Variants in HAVCR2 observed in about 807,000 individuals in gnomAD.
The protein encoded by HAVCR2 is T cell immunoglobulin mucin 3.
Under a neutral mutation model 24.7 loss-of-function variants are expected in HAVCR2, and 13 were observed. The ratio of observed to expected loss-of-function variants is 0.53; its 90% CI spans 0.34 to 0.84. The LOEUF (loss-of-function observed/expected upper bound fraction) is 0.84, where lower values mean the gene tolerates loss of function less well. HAVCR2 is among the 40% of genes least tolerant of loss of function. The pLI is 0.01. For missense variants in HAVCR2, 343 were observed against 371.2 expected, an observed-to-expected ratio of 0.92 and a Z score of 0.62; for synonymous variants, 154 against 143.4, an observed-to-expected ratio of 1.07 and a Z score of -0.53.
chr5:157,106,020 T>C (rs539864744), intron 2 of HAVCR2: 1 of 152,438 alleles, frequency 6.6e-6, no homozygotes, highest in Non-Finnish European at 1.5e-5. Flanking sequence ...CATCTATAGT[T>C]GTTTAAAAAC....
In HAVCR2 at chr5:157,105,283, C is replaced by T. The variant is rs184075498; in HGVS notation, c.395-534G>A. ...TTCTCCATGTTGGTCAGACTGGTCT[C>T]GAACTCCCGACCTCAGGTGATCCAC... On this transcript the variant is annotated intron_variant, in intron 2 of 6. Coordinates refer to ENST00000307851, the MANE Select transcript of HAVCR2 (RefSeq NM_032782.5). Among the ~76,000 whole-genome samples, 42 of 152,200 alleles carry T rather than the reference C, an allele frequency of 2.8e-4. No homozygotes were observed. In the East Asian group the frequency reaches 6.2e-3, roughly 22 times the overall value.
chr5:157,089,820 G>T (rs1756969541), intron 5 of HAVCR2, among the ~76,000 whole-genome samples: 1 of 152,120 alleles, frequency 6.6e-6, no homozygotes, highest in Non-Finnish European at 1.5e-5. Context: ...CCAAGATAAG[G>T]TCTGAAAGGT....
intron 3 of HAVCR2, among the ~76,000 whole-genome samples, chr5:157,102,929 C>T (rs1234647109): frequency 1.5e-5 from 1 of 66,756 alleles, no homozygotes; most frequent in Non-Finnish European, 2.8e-5. Context: ...AGTGAGACTC[C>T]GTCTCAAAAA....
chr5:157,087,395 G>A, intron 6 of HAVCR2, 101 bp from the exon 7 acceptor site: 3 of 928,924 alleles, frequency 3.2e-6, no homozygotes, highest in Non-Finnish European at 3.2e-6. Context: ...ACTAAATATA[G>A]TGCATGATCT....
At position 157,108,917 on chromosome 5, in the gene HAVCR2, G is replaced by A. The variant is rs367873518; in HGVS notation, c.58+9C>T. 6.8e-6 allele frequency: 11 copies of A among 1,613,088 alleles called. No homozygotes were observed. The highest frequency in any genetic ancestry group is 4.0e-5 in the African/African-American group (3 of 74,902). On this transcript the variant is annotated intron_variant, in intron 1 of 6. Coordinates refer to ENST00000307851, the MANE Select transcript of HAVCR2 (RefSeq NM_032782.5). Reference sequence around the variant, plus strand: ...TTATGTCATTGTAAATATCCATGCCGAGACTTACTTGTAAGTAGTAGCAGC... The same window carrying A: ...TTATGTCATTGTAAATATCCATGCCAAGACTTACTTGTAAGTAGTAGCAGC...
At chr5:157,089,807 G>A (rs1756969279) in intron 5 of HAVCR2, among the ~76,000 whole-genome samples, 1 of 152,016 alleles carries the variant, frequency 6.6e-6, no homozygotes, top group Non-Finnish European at 1.5e-5. Context: ...TTAAGGGAGC[G>A]GCCCAAGATA....
At chr5:157,089,968 C>T (rs1427022518) in intron 5 of HAVCR2, among the ~76,000 whole-genome samples, 1 of 152,058 alleles carries the variant, frequency 6.6e-6, no homozygotes, top group African/African-American at 2.4e-5. Context: ...CTTTTACCCG[C>T]TGAAAACAAC....
At position 157,086,207 on chromosome 5, in the gene HAVCR2, G is replaced by T. The variant is rs1052786121; in HGVS notation, c.*895C>A. 3 of 152,238 alleles carry T rather than the reference G, an allele frequency of 2.0e-5. No homozygotes were observed. The highest frequency in any genetic ancestry group is 4.4e-5 in the Non-Finnish European group (3 of 68,088). 9.4% of individuals were successfully genotyped at this position (152,238 alleles called of 1,614,324 possible). ...GGAGCTCCTGCCACATCTCAGCCCTGCAGGGCAGTCTTCATAAGGGAGACA... is the reference window on the plus strand; with the variant it reads ...GGAGCTCCTGCCACATCTCAGCCCTTCAGGGCAGTCTTCATAAGGGAGACA... On this transcript the variant is annotated 3_prime_UTR_variant, in exon 7 of 7. Coordinates refer to ENST00000307851, the MANE Select transcript of HAVCR2 (RefSeq NM_032782.5).
chr5:157,104,645 C>T lies in HAVCR2; in HGVS notation c.478+21G>A, dbSNP rs572860511. On this transcript the variant is annotated intron_variant, in intron 3 of 6. Transcript: ENST00000307851. The stretch of plus-strand genomic sequence containing the variant: ...TTCAGAGCCAGCTAAAGATTCCCTC[C>T]TCTGCCCCATGCATAGTTACCTGGG... The T allele has an allele frequency of 3.2e-6, 5 of 1,546,726 alleles. No homozygotes were observed. In the African/African-American group the frequency reaches 6.8e-5, roughly 21 times the overall value.
intron 2 of HAVCR2, among the ~76,000 whole-genome samples, chr5:157,105,480 G>A (rs1757234411): frequency 6.6e-6 from 1 of 152,020 alleles, no homozygotes. Flanking sequence ...TTCAGATTTT[G>A]GTGCATTTTA....
chr5:157,103,076 A>G (rs967649965), intron 3 of HAVCR2, among the ~76,000 whole-genome samples: 2 of 151,984 alleles, frequency 1.3e-5, no homozygotes, highest in African/African-American at 4.8e-5. Context: ...TGTAGTAAAA[A>G]GTACTGGCCG....
At position 157,088,969 on chromosome 5, in the gene HAVCR2, G is replaced by T; in HGVS notation, c.685C>A (p.His229Asn). 7.5e-6 allele frequency: 12 copies of T among 1,607,404 alleles called. No individual in the cohort carries two copies. The highest frequency in any genetic ancestry group is 1.0e-5 in the Non-Finnish European group (12 of 1,177,216). The change falls in exon 6 of 7, where the codon CAT becomes AAT. Residue 229 changes from histidine to asparagine, a missense_variant. By Grantham distance (68) the His-to-Asn change is moderately conservative (BLOSUM62 1). Coordinates refer to ENST00000307851, the MANE Select transcript of HAVCR2 (RefSeq NM_032782.5). ...FGALIFKWYS[H>N]SKEKIQNLSL... ...AAATTCTGTATCTTCTCTTTGCTAT[G>T]AGAATACCCTAGTAAGGGGGAAACA...
intron 6 of HAVCR2, among the ~76,000 whole-genome samples, chr5:157,088,395 C>G (rs11741184): frequency 0.75 from 114,414 of 152,130 alleles, 43,099 homozygotes; most frequent in East Asian, 0.93. Context: ...CCTGACTGTT[C>G]ACTAGAATCA....
chr5:157,107,013 T>A (rs759811389), intron 1 of HAVCR2, 51 bp from the exon 2 acceptor site: 2 of 1,465,022 alleles, frequency 1.4e-6, no homozygotes, highest in Admixed American at 4.0e-5. Context: ...GTGAGGTTAC[T>A]CCATTTCAGG....
intron 2 of HAVCR2, chr5:157,106,392 A>G: frequency 5.9e-6 from 3 of 504,904 alleles, no homozygotes; most frequent in East Asian, 3.4e-5. Context: ...AGCCTCCCAA[A>G]GTGCTGGGAT....
chr5:157,108,211 G>A (rs1032085540), intron 1 of HAVCR2, among the ~76,000 whole-genome samples: 4 of 152,010 alleles, frequency 2.6e-5, no homozygotes, highest in Admixed American at 2.0e-4. Flanking sequence ...CCGGGCACAC[G>A]GTGGGTCACG....
chr5:157,106,934 C>T lies in HAVCR2; in HGVS notation c.87G>A (p.Glu29=). The change falls in exon 2 of 7, where the codon GAG becomes GAA. Residue 29 remains glutamate, a synonymous_variant. Transcript: ENST00000307851. ...TRSSEVEYRA[E]VGQNAYLPCF... is the part of the protein sequence containing the mutation. ...AGGGCAGATAGGCATTCTGACCGAC[C>T]TCCGCTCTGTATTCCACTTCTGAGG... is the stretch of plus-strand genomic sequence containing the variant. The T allele has an allele frequency of 6.2e-7, 1 of 1,613,894 alleles. No individual in the cohort carries two copies. The highest frequency in any genetic ancestry group is 8.5e-7 in the Non-Finnish European group (1 of 1,179,888).
Position 157,106,828 on chromosome 5 carries a change from T to A in HAVCR2, c.193A>T (p.Asn65Tyr), listed in dbSNP as rs1404949284. The A allele has an allele frequency of 6.2e-7, 1 of 1,614,044 alleles. No homozygotes were observed. Among genetic ancestry groups the A allele is most frequent in the Admixed American group, 1.7e-5 (1 of 59,988 alleles). Residue 65 changes from asparagine (N) to tyrosine (Y), a missense_variant, in exon 2 of 7, where the codon AAC becomes TAC. Asn to Tyr is a moderately radical substitution (Grantham distance 143). Transcript: ENST00000307851. ...CTTTCATCAGTCCTGAGCACCACGT[T>A]GCCACATTCAAACACAGGACAGGCT... Reference protein sequence around the residue: ...KGACPVFECGNVVLRTDERDV... With the variant: ...KGACPVFECGYVVLRTDERDV...
intron 4 of HAVCR2, among the ~76,000 whole-genome samples, chr5:157,097,316 A>G (rs1299948130): frequency 6.8e-6 from 1 of 146,988 alleles, no homozygotes; most frequent in African/African-American, 2.5e-5. Context: ...GTGCAGGGGC[A>G]TGATCACAGC....
Sources: allele counts gnomAD v4.1 joint callset (sites outside exome capture counted in the v4.1 genomes callset), GRCh38; gene constraint gnomAD v4.1.1; transcripts MANE v1.5; gene names NCBI Gene and HGNC (gene_info 2026-07-23, HGNC 2026-07-21).